Variants in OGA observed in about 807,000 individuals in gnomAD.
OGA encodes O-GlcNAcase.
In OGA, 21 loss-of-function variants were observed where a neutral mutation model predicts 102.0. The ratio of observed to expected loss-of-function variants is 0.21; its 90% confidence interval spans 0.15 to 0.30. The LOEUF is 0.30. Ranked by LOEUF, OGA falls within the 10% of genes least tolerant of loss-of-function variation. The pLI, the probability that OGA is intolerant of heterozygous loss-of-function variation, is 1.00. For missense variants in OGA, 765 were observed against 1,107.8 expected (o/e 0.69, Z 4.39); for synonymous variants, 408 against 378.2 (o/e 1.08, Z -0.91).
chr10:101,815,013 C>T (rs1285687375), intron 1 of OGA, among the ~76,000 whole-genome samples: 2 of 152,312 alleles, frequency 1.3e-5, no homozygotes, highest in African/African-American at 4.8e-5. Flanking sequence ...GAGATAAGGA[C>T]AGCCTCTCAA....
At chr10:101,817,699 G>A (rs953123537) in intron 1 of OGA, 125 bp downstream of exon 1, 6 of 1,092,874 alleles carry the variant, frequency 5.5e-6, no homozygotes, top group Non-Finnish European at 6.4e-6. Flanking sequence ...CCTCGCTTTA[G>A]GAGGGCCACA....
chr10:101,787,539 T>TC lies in OGA; in HGVS notation c.2455-17dup. The TC allele has an allele frequency of 6.3e-7, 1 of 1,598,452 alleles. No individual in the cohort carries two copies. Among genetic ancestry groups the TC allele is most frequent in the Non-Finnish European group, 8.6e-7 (1 of 1,167,606 alleles). On this transcript the variant is annotated splice_polypyrimidine_tract_variant and intron_variant, in intron 14 of 15. Coordinates refer to ENST00000361464, the MANE Select transcript of OGA (RefSeq NM_012215.5). ...ACATTATTTTCTGGAAAAATTAGAA[T>TC]CTCTTGACTTTCACAATAGTTACGC...
In OGA at chr10:101,818,280, C is replaced by T. The variant is rs1262824384; in HGVS notation, c.-258G>A. 7.8e-7 allele frequency: 1 copy of T among 1,274,124 alleles called. No homozygotes were observed. The highest frequency in any genetic ancestry group is 9.9e-7 in the Non-Finnish European group (1 of 1,008,748). The allele number at this position is 1,274,124 out of a possible 1,614,324, so 78.9% of individuals were successfully genotyped here. Reference sequence around the variant, plus strand: ...GGGCGCCAGAAGCCTAAGCGGAGAGCGAGGCTGTGACCTCTCGTTCCCTGG... The same window carrying T: ...GGGCGCCAGAAGCCTAAGCGGAGAGTGAGGCTGTGACCTCTCGTTCCCTGG... On this transcript the variant is annotated 5_prime_UTR_variant, in exon 1 of 16. Transcript: ENST00000361464.
At chr10:101,794,794 C>T (rs1280926520) in intron 10 of OGA, among the ~76,000 whole-genome samples, 1 of 152,168 alleles carries the variant, frequency 6.6e-6, no homozygotes, top group East Asian at 1.9e-4. Context: ...GGCAATAACG[C>T]TAGCTAACAG....
rs1024923418 is a variant in OGA at position 101,795,682 on chromosome 10, G to T, written c.1985-1684C>A. 11 of 153,600 alleles carry T rather than the reference G, an allele frequency of 7.2e-5. No individual in the cohort carries two copies. The East Asian group carries it at 2.1e-3, about 30-fold the overall frequency. The allele number at this position is 153,600 out of a possible 1,614,324, so 9.5% of individuals were successfully genotyped here. A position where few individuals can be genotyped will look rare whatever the true frequency, so the allele number is the denominator to read the frequency against. ...AGCTTTTGTAAAGCTATGTGGATAT[G>T]AAGATAATTATTTAAAACTTCTAAG... On this transcript the variant is annotated intron_variant, in intron 10 of 15. Coordinates refer to ENST00000361464, the MANE Select transcript of OGA (RefSeq NM_012215.5).
chr10:101,800,809 C>T lies in OGA; in HGVS notation c.1037-409G>A, dbSNP rs12248493. ...TTTTTTTTTGAGATGGAGTCTCACCCCATCACCCAGGCTGGAGTGCAGTGG... is the reference window on the plus strand; with the variant it reads ...TTTTTTTTTGAGATGGAGTCTCACCTCATCACCCAGGCTGGAGTGCAGTGG... On this transcript the variant is annotated intron_variant, in intron 7 of 15. Coordinates refer to ENST00000361464, the MANE Select transcript of OGA (RefSeq NM_012215.5). Among the ~76,000 whole-genome samples the T allele has an allele frequency of 9.8e-3, 1,460 of 149,130 alleles. 26 individuals carry two copies. The highest frequency in any genetic ancestry group is 0.031 in the African/African-American group (1,229 of 40,270).
chr10:101,806,115 A>C lies in OGA; in HGVS notation c.681T>G (p.Asn227Lys). The change falls in exon 6 of 16, where the codon AAT becomes AAG. Residue 227 changes from asparagine to lysine, a missense_variant. Coordinates refer to ENST00000361464, the MANE Select transcript of OGA (RefSeq NM_012215.5). ...TEYCGTFCYP[N>K]VSQSPYLRTV... ...TCCTTAAATATGGAGACTGAGACAC[A>C]TTTGGATAACAGAAAGTGCCACAGT... The C allele has an allele frequency of 6.2e-7, 1 of 1,610,642 alleles. No individual in the cohort carries two copies. Among genetic ancestry groups the C allele is most frequent in the Non-Finnish European group, 8.5e-7 (1 of 1,176,736 alleles).
chr10:101,804,348 C>T (rs1324984123), intron 6 of OGA, among the ~76,000 whole-genome samples: 1 of 149,112 alleles, frequency 6.7e-6, no homozygotes, highest in Non-Finnish European at 1.5e-5. Context: ...TCTCGGCTCA[C>T]TGTAAGCTCC....
At chr10:101,786,626 CTTAA>C in intron 15 of OGA, 39 bp from the exon 16 acceptor site, 1 of 1,478,278 alleles carries the variant, frequency 6.8e-7, no homozygotes, top group Non-Finnish European at 9.0e-7. Flanking sequence ...AAATAAGTCA[CTTAA>C]TTAGTATAAT....
rs759809892 is a variant in OGA, at chr10:101,817,773, C to G, written c.199+51G>C. 1.5e-5 allele frequency: 23 copies of G among 1,528,350 alleles called. No individual in the cohort carries two copies. The Middle Eastern group carries it at 6.9e-4, about 46-fold the overall frequency. 94.7% of individuals were successfully genotyped at this position (1,528,350 alleles called of 1,614,324 possible). A position where few individuals can be genotyped will look rare whatever the true frequency, so the allele number is the denominator to read the frequency against. ...AAAATCCCCGCCACCACCCTCCTCC[C>G]GAGGACAGAACGTGTTAGTGCCAAA... On this transcript the variant is annotated intron_variant, in intron 1 of 15. Coordinates refer to ENST00000361464, the MANE Select transcript of OGA (RefSeq NM_012215.5).
At chr10:101,787,711 C>G in intron 14 of OGA, 188 bp from the exon 15 acceptor site, 1 of 558,078 alleles carries the variant, frequency 1.8e-6, no homozygotes, top group Non-Finnish European at 3.1e-6. Flanking sequence ...GGATCTCCTT[C>G]TGTTGGCCAG....
intron 1 of OGA, among the ~76,000 whole-genome samples, chr10:101,817,511 G>A (rs2065650216): frequency 6.6e-6 from 1 of 152,104 alleles, no homozygotes. Context: ...AAGATCCCAA[G>A]GTACAAAGAA....
chr10:101,795,417 C>T (rs1043119759), intron 10 of OGA, among the ~76,000 whole-genome samples: 2 of 152,172 alleles, frequency 1.3e-5, no homozygotes, highest in African/African-American at 2.4e-5. Flanking sequence ...AATCATGACG[C>T]GCTGTGAACA....
chr10:101,799,041 T>C lies in OGA; in HGVS notation c.1610A>G (p.Gln537Arg), dbSNP rs778698318. The change falls in exon 9 of 16, where the codon CAG becomes CGG. Residue 537 changes from glutamine (Q) to arginine (R), a missense_variant. By Grantham distance (43) the Gln-to-Arg change is conservative. Around this residue, in one of 7 missense-constraint regions of OGA, gnomAD observed 281 missense variants for 345.8 expected, o/e 0.81. Coordinates refer to ENST00000361464, the MANE Select transcript of OGA (RefSeq NM_012215.5). ...MQTDEQTNKEQFVPGPNEKPL... is the reference protein window; with the variant it reads ...MQTDEQTNKERFVPGPNEKPL... ...CTTTTCATTTGGACCTGGCACAAAC[T>C]GCTCCTTGTTTGTCTGTTCATCAGT... The C allele has an allele frequency of 6.2e-7, 1 of 1,614,232 alleles. No homozygotes were observed. The highest frequency in any genetic ancestry group is 1.1e-5 in the South Asian group (1 of 91,092).
chr10:101,786,421 C>A lies in OGA; in HGVS notation c.*30G>T. On this transcript the variant is annotated 3_prime_UTR_variant, in exon 16 of 16. Transcript: ENST00000361464. Reference sequence around the variant, plus strand: ...CCATTCACAAGGTGCAGTTAAGAGACTTTTGGACAGTTCACAGTGTCAACA... The same window carrying A: ...CCATTCACAAGGTGCAGTTAAGAGAATTTTGGACAGTTCACAGTGTCAACA... 3 of 1,576,036 alleles carry A rather than the reference C, an allele frequency of 1.9e-6. No individual in the cohort carries two copies. The South Asian group carries it at 3.6e-5, about 19-fold the overall frequency.
rs753225355 is a variant in OGA at position 101,817,842 on chromosome 10, G to T, written c.181C>A (p.Leu61Ile). 1.3e-6 allele frequency: 2 copies of T among 1,540,134 alleles called. No individual in the cohort carries two copies. Among genetic ancestry groups the T allele is most frequent in the Non-Finnish European group, 8.7e-7 (1 of 1,146,874 alleles). The change falls in exon 1 of 16, where the codon CTC becomes ATC. Residue 61 changes from leucine to isoleucine, a missense_variant. Coordinates refer to ENST00000361464, the MANE Select transcript of OGA (RefSeq NM_012215.5). ...CGCTCACCTTCCACCACACCGCAGAGGAACCGCCGAGCCCCTCCTGCAGCC... is the reference window on the plus strand; with the variant it reads ...CGCTCACCTTCCACCACACCGCAGATGAACCGCCGAGCCCCTCCTGCAGCC... ...AGAAGGARRF[L>I]CGVVEGFYGR...
intron 10 of OGA, among the ~76,000 whole-genome samples, chr10:101,795,571 A>T (rs1196235492): frequency 6.6e-6 from 1 of 152,228 alleles, no homozygotes; most frequent in Non-Finnish European, 1.5e-5. Flanking sequence ...TGCCAGCTGG[A>T]CTGGAGAGAG....
rs757343512 is a variant in OGA, at chr10:101,792,953, G to GA, written c.2071-11dup. 1.8e-5 allele frequency: 29 copies of GA among 1,596,908 alleles called. No homozygotes were observed. Among genetic ancestry groups the GA allele is most frequent in the Non-Finnish European group, 2.2e-5 (26 of 1,167,466 alleles). ...CAATTGGCAGCAAACGCTGTGGGAA[G>GA]AAAAAAAAGGAGATGGATTAGTTTG... On this transcript the variant is annotated splice_polypyrimidine_tract_variant and intron_variant, in intron 11 of 15. Coordinates refer to ENST00000361464, the MANE Select transcript of OGA (RefSeq NM_012215.5).
At chr10:101,817,730 C>CA in intron 1 of OGA, 94 bp downstream of exon 1, 1 of 1,379,972 alleles carries the variant, frequency 7.2e-7, no homozygotes, top group Non-Finnish European at 9.8e-7. Flanking sequence ...AGAGGCTTTC[C>CA]GGCCTTTTAG....
Sources: allele counts gnomAD v4.1 joint callset (sites outside exome capture counted in the v4.1 genomes callset), GRCh38; gene constraint gnomAD v4.1.1; regional missense constraint gnomAD v4.1.1; transcripts MANE v1.5; gene names NCBI Gene and HGNC (gene_info 2026-07-23, HGNC 2026-07-21).